CREB5: variants seen among roughly 807,000 people sequenced by gnomAD.
The protein encoded by CREB5 is cAMP responsive element binding protein 5, also known as cyclic AMP-responsive element-binding protein 5.
In CREB5, 19 loss-of-function variants were observed where a neutral mutation model predicts 57.1. The observed-to-expected ratio is 0.33, with a 90% confidence interval of 0.23 to 0.49. The LOEUF (loss-of-function observed/expected upper bound fraction) is 0.49. Ranked by LOEUF, CREB5 falls within the 20% of genes least tolerant of loss-of-function variation. The pLI is 0.99. For missense variants in CREB5, 579 were observed against 671.6 expected (o/e 0.86, Z 1.52); for synonymous variants, 238 against 238.3 (o/e 1.00, Z 0.01).
At chr7:28,348,720 G>A (rs1243034362) in intron 1 of CREB5, among the ~76,000 whole-genome samples, 1 of 152,020 alleles carries the variant, frequency 6.6e-6, no homozygotes, top group Non-Finnish European at 1.5e-5. Context: ...CCAAAGGTCC[G>A]CTAGCTTTCC....
chr7:28,720,887 T>A (rs1562595338), intron 6 of CREB5, among the ~76,000 whole-genome samples: 1 of 151,822 alleles, frequency 6.6e-6, no homozygotes, highest in African/African-American at 2.4e-5. Context: ...AGAGACTTTT[T>A]AAAAAAAAAT....
chr7:28,347,385 G>T (rs968506592), intron 1 of CREB5, among the ~76,000 whole-genome samples: 2 of 152,098 alleles, frequency 1.3e-5, no homozygotes, highest in African/African-American at 4.8e-5. Context: ...GACTTAGAAG[G>T]CAGGAAAGAG....
intron 7 of CREB5, among the ~76,000 whole-genome samples, chr7:28,765,902 G>T (rs904749473): frequency 1.3e-5 from 2 of 152,196 alleles, no homozygotes; most frequent in African/African-American, 2.4e-5. Flanking sequence ...GTGCAGGACA[G>T]TTCGAGAATT....
chr7:28,431,561 G>A (rs1415875366), intron 1 of CREB5, among the ~76,000 whole-genome samples: 1 of 152,080 alleles, frequency 6.6e-6, no homozygotes, highest in African/African-American at 2.4e-5. Context: ...CATTTGAAAG[G>A]TACCTTTCAA....
chr7:28,729,714 C>A (rs1214942891), intron 7 of CREB5, among the ~76,000 whole-genome samples: 2 of 145,818 alleles, frequency 1.4e-5, no homozygotes, highest in Non-Finnish European at 3.0e-5. Context: ...TCCTAAAAGT[C>A]CAGGAATAAA....
At chr7:28,717,292 T>C (rs552802881) in intron 5 of CREB5, among the ~76,000 whole-genome samples, 1 of 152,108 alleles carries the variant, frequency 6.6e-6, no homozygotes, top group Admixed American at 6.6e-5. Flanking sequence ...CTCTTTATAT[T>C]CTTTTATATT....
At chr7:28,614,358 AT>A (rs1440767586) in intron 5 of CREB5, among the ~76,000 whole-genome samples, 1 of 152,318 alleles carries the variant, frequency 6.6e-6, no homozygotes, top group East Asian at 1.9e-4. Flanking sequence ...ACATTGCAAA[AT>A]GTATGTTTCA....
chr7:28,520,792 G>A (rs1210037477), intron 4 of CREB5, among the ~76,000 whole-genome samples: 1 of 152,200 alleles, frequency 6.6e-6, no homozygotes, highest in East Asian at 1.9e-4. Context: ...ACAGGGTTGG[G>A]TAATAAGATA....
chr7:28,783,469 A>T (rs1418607753), intron 7 of CREB5, among the ~76,000 whole-genome samples: 2 of 152,224 alleles, frequency 1.3e-5, no homozygotes, highest in Non-Finnish European at 2.9e-5. Flanking sequence ...TTTATTTGTA[A>T]GACTCATGAG....
At position 28,560,983 on chromosome 7, in the gene CREB5, T is replaced by TGCGCGTGCGTGTGTGC. The variant is rs1157062756; in HGVS notation, c.292-9379_292-9378insCGTGCGTGTGTGCGCG. 3.8e-4 allele frequency among the ~76,000 whole-genome samples: 27 copies of TGCGCGTGCGTGTGTGC among 71,916 alleles called. 3 individuals carry two copies. Among genetic ancestry groups the TGCGCGTGCGTGTGTGC allele is most frequent in the Admixed American group, 6.9e-4 (5 of 7,206 alleles). The allele number at this position is 71,916 out of a possible 152,430, so 47.2% of individuals were successfully genotyped here. ...GTGCGTGTGTGTGTGCGTGTGTGCG[T>TGCGCGTGCGTGTGTGC]GCGTGTGTGTGCCTGCGTGTGCGTG... On this transcript the variant is annotated intron_variant, in intron 4 of 10. Transcript: ENST00000357727.
intron 1 of CREB5, among the ~76,000 whole-genome samples, chr7:28,348,816 G>A (rs547925039): frequency 3.8e-4 from 58 of 152,306 alleles, no homozygotes; most frequent in African/African-American, 1.4e-3. Context: ...ACACTCCCCA[G>A]CCAGGCCATC....
At chr7:28,381,898 T>C (rs894801872) in intron 1 of CREB5, among the ~76,000 whole-genome samples, 5 of 152,120 alleles carry the variant, frequency 3.3e-5, no homozygotes, top group African/African-American at 4.8e-5. Flanking sequence ...ACAGTATATA[T>C]AAAAAAAGGT....
At chr7:28,307,932 G>A (rs1355898215) in intron 1 of CREB5, among the ~76,000 whole-genome samples, 1 of 152,244 alleles carries the variant, frequency 6.6e-6, no homozygotes, top group Non-Finnish European at 1.5e-5. Flanking sequence ...CCCTAATGAT[G>A]CATGGGAGCT....
intron 1 of CREB5, among the ~76,000 whole-genome samples, chr7:28,483,762 A>G (rs1255689599): frequency 1.3e-5 from 2 of 152,172 alleles, no homozygotes. Context: ...ATGAATTAAT[A>G]CATTTACTTG....
chr7:28,803,794 C>A (rs1419878475), intron 7 of CREB5, among the ~76,000 whole-genome samples: 3 of 150,124 alleles, frequency 2.0e-5, no homozygotes, highest in Non-Finnish European at 4.4e-5. Flanking sequence ...TACAGTAGCA[C>A]ACCAGATGGA....
At chr7:28,314,086 T>C (rs1006369302) in intron 1 of CREB5, among the ~76,000 whole-genome samples, 2 of 152,190 alleles carry the variant, frequency 1.3e-5, no homozygotes, top group African/African-American at 4.8e-5. Flanking sequence ...CAGGGTCTCA[T>C]TTTTAAGGAA....
At chr7:28,449,984 G>C (rs895093313) in intron 1 of CREB5, among the ~76,000 whole-genome samples, 2 of 152,206 alleles carry the variant, frequency 1.3e-5, no homozygotes, top group African/African-American at 4.8e-5. Flanking sequence ...TAGTCTGTGA[G>C]AGGAGCTCAG....
intron 1 of CREB5, among the ~76,000 whole-genome samples, chr7:28,449,549 A>G (rs1789683236): frequency 6.6e-6 from 1 of 152,094 alleles, no homozygotes; most frequent in Non-Finnish European, 1.5e-5. Flanking sequence ...TTACTTCCAC[A>G]TTGTTAAGTG....
At chr7:28,365,982 CT>C (rs912563733) in intron 1 of CREB5, among the ~76,000 whole-genome samples, 9 of 152,120 alleles carry the variant, frequency 5.9e-5, no homozygotes, top group African/African-American at 2.2e-4. Context: ...CATCTTAAAA[CT>C]GTTATATGGT....
Sources: allele counts gnomAD v4.1 joint callset (sites outside exome capture counted in the v4.1 genomes callset), GRCh38; gene constraint gnomAD v4.1.1; transcripts MANE v1.5; gene names NCBI Gene and HGNC (gene_info 2026-07-23, HGNC 2026-07-21).